The following FNDC3B variants were observed in gnomAD, a reference collection of about 807,000 sequenced individuals.
FNDC3B encodes the protein fibronectin type III domain containing 3B, also known as fibronectin type III domain-containing protein 3B.
A neutral mutation model predicts 151.5 loss-of-function variants in FNDC3B; 12 were observed. The ratio of observed to expected loss-of-function variants is 0.08; its 90% CI spans 0.05 to 0.13. The LOEUF is 0.13. Among genes scored for constraint, FNDC3B ranks in the 10% least tolerant of loss-of-function variants. FNDC3B has a pLI of 1.00. For missense variants in FNDC3B, 1,214 were observed against 1,505.3 expected (o/e 0.81, Z 3.20); for synonymous variants, 528 against 549.0 (o/e 0.96, Z 0.54).
rs573842390 is a variant in FNDC3B at position 172,056,810 on chromosome 3, A to T, written c.-29+17039A>T. The stretch of plus-strand genomic sequence containing the variant: ...TACTTTAAAAGCGTATGTGAATATT[A>T]GCCATCAGTTTTGTCTTGACCTTGC... On this transcript the variant is annotated intron_variant, in intron 1 of 25. Transcript: ENST00000415807. Among the ~76,000 whole-genome samples, 20 of 152,358 alleles carry T rather than the reference A, an allele frequency of 1.3e-4. 1 individual carries two copies. Among genetic ancestry groups the T allele is most frequent in the African/African-American group, 4.6e-4 (19 of 41,590 alleles).
At chr3:172,306,858 A>G (rs1379085926) in intron 9 of FNDC3B, 1 of 152,680 alleles carries the variant, frequency 6.5e-6, no homozygotes, top group African/African-American at 2.4e-5. Context: ...TCTGTGAAAC[A>G]TCCCTAGTTT....
At chr3:172,269,419 T>C (rs1366900425) in intron 6 of FNDC3B, among the ~76,000 whole-genome samples, 7 of 143,870 alleles carry the variant, frequency 4.9e-5, no homozygotes, top group African/African-American at 8.2e-5. Context: ...CCACCATGGC[T>C]GGCTAATTAA....
chr3:172,298,787 G>A lies in FNDC3B; in HGVS notation c.1061G>A (p.Arg354Lys). Residue 354 changes from arginine (R) to lysine (K), a missense_variant and splice_region_variant, in exon 9 of 26, where the codon AGG (arginine) becomes AAG (lysine). Physicochemically the swap from Arg to Lys is conservative, Grantham distance 26. This residue lies in a region of FNDC3B where 156 missense variants were observed against 225.3 expected (regional missense o/e 0.69). Transcript: ENST00000415807. Reference protein sequence around the residue: ...DLRPATDYHVRVYAMYNSVKG... With the variant: ...DLRPATDYHVKVYAMYNSVKG... ...AGACCAGCAACAGATTATCATGTGA[G>A]GTGAGTTAGGATATAAGAGCCAAAC... is the stretch of plus-strand genomic sequence containing the variant. 6.2e-7 allele frequency: 1 copy of A among 1,604,438 alleles called. No homozygotes were observed. The highest frequency in any genetic ancestry group is 8.5e-7 in the Non-Finnish European group (1 of 1,175,250).
At chr3:172,050,501 A>C (rs569897988) in intron 1 of FNDC3B, among the ~76,000 whole-genome samples, 1 of 151,800 alleles carries the variant, frequency 6.6e-6, no homozygotes, top group Non-Finnish European at 1.5e-5. Flanking sequence ...CTCCTGCCTC[A>C]GCCTCCGGAG....
chr3:172,339,503 C>T (rs1243629287), intron 16 of FNDC3B, among the ~76,000 whole-genome samples: 1 of 152,042 alleles, frequency 6.6e-6, no homozygotes, highest in Non-Finnish European at 1.5e-5. Context: ...TCGGAGGTCG[C>T]AGTGAGCCGA....
At chr3:172,342,875 C>T in intron 17 of FNDC3B, 136 bp from the exon 18 acceptor site, 3 of 563,882 alleles carry the variant, frequency 5.3e-6, no homozygotes, top group South Asian at 2.3e-5. Context: ...AAAAGCATAC[C>T]ATAATGTGCA....
intron 23 of FNDC3B, among the ~76,000 whole-genome samples, chr3:172,374,633 T>C (rs1220876203): frequency 6.6e-6 from 1 of 152,108 alleles, no homozygotes; most frequent in East Asian, 1.9e-4. Flanking sequence ...GACCTTGTGA[T>C]CCGCCCGCCT....
At chr3:172,198,704 C>T (rs768692040) in intron 3 of FNDC3B, among the ~76,000 whole-genome samples, 2 of 152,208 alleles carry the variant, frequency 1.3e-5, no homozygotes, top group Non-Finnish European at 2.9e-5. Context: ...CCATGTTGCG[C>T]TGTTCCCACA....
chr3:172,226,788 G>A (rs1576816177), intron 3 of FNDC3B, 83 bp from the exon 4 acceptor site: 1 of 904,842 alleles, frequency 1.1e-6, no homozygotes, highest in African/African-American at 1.6e-5. Context: ...ATTATCTTCA[G>A]TTTGGATAGT....
chr3:172,056,560 T>C (rs946392509), intron 1 of FNDC3B, among the ~76,000 whole-genome samples: 1 of 152,240 alleles, frequency 6.6e-6, no homozygotes, highest in African/African-American at 2.4e-5. Context: ...CATCTCTAAC[T>C]GGTTTAATTG....
intron 1 of FNDC3B, among the ~76,000 whole-genome samples, chr3:172,045,943 T>C (rs576610595): frequency 6.6e-6 from 1 of 152,234 alleles, no homozygotes; most frequent in East Asian, 1.9e-4. Context: ...TTGATGGTAG[T>C]TGAGCACTTT....
chr3:172,069,760 C>T (rs767417084), intron 1 of FNDC3B, among the ~76,000 whole-genome samples: 24 of 152,176 alleles, frequency 1.6e-4, no homozygotes, highest in Non-Finnish European at 1.9e-4. Flanking sequence ...TTTAATTGGC[C>T]TTTTCCCCTT....
chr3:172,371,993 G>C (rs1734904261), intron 23 of FNDC3B, among the ~76,000 whole-genome samples: 1 of 152,322 alleles, frequency 6.6e-6, no homozygotes, highest in Admixed American at 6.5e-5. Context: ...GCATTGTCTA[G>C]TGTTTTCCTT....
Position 172,347,299 on chromosome 3 carries a change from A to G in FNDC3B, c.2452A>G (p.Thr818Ala), listed in dbSNP as rs1336358039. The G allele has an allele frequency of 8.7e-6, 14 of 1,613,920 alleles. No homozygotes were observed. Among genetic ancestry groups the G allele is most frequent in the Non-Finnish European group, 1.2e-5 (14 of 1,179,962 alleles). Residue 818 changes from threonine to alanine, a missense_variant, in exon 21 of 26, where the codon ACA becomes GCA. Physicochemically the swap from Thr to Ala is moderately conservative, Grantham distance 58. Around this residue, in one of 7 missense-constraint regions of FNDC3B, gnomAD observed 380 missense variants for 420.9 expected, o/e 0.90. Transcript: ENST00000415807. ...EESLELIYHGTDTRFEIRDLL... is the reference protein window; with the variant it reads ...EESLELIYHGADTRFEIRDLL... ...ATCCTTAGAACTCATTTATCATGGG[A>G]CAGACACCCGTTTTGAAATAAGAGA...
chr3:172,330,750 T>C, intron 13 of FNDC3B, 35 bp downstream of exon 13: 1 of 1,546,686 alleles, frequency 6.5e-7, no homozygotes, highest in Non-Finnish European at 8.9e-7. Context: ...CTCTGTGTTT[T>C]GTACGAGTCA....
At position 172,341,202 on chromosome 3, in the gene FNDC3B, T is replaced by A; in HGVS notation, c.1942T>A (p.Cys648Ser). The A allele has an allele frequency of 6.2e-7, 1 of 1,614,192 alleles. No homozygotes were observed. The highest frequency in any genetic ancestry group is 8.5e-7 in the Non-Finnish European group (1 of 1,180,010). ...AGGCACTTTGTACAAACTCCGAGCA[T>A]GCTGCATCAGTACCGGCGGACACAG... The part of the protein sequence containing the change: ...KPGTLYKLRA[C>S]CISTGGHSQC... The change falls in exon 17 of 26, where the codon TGC (cysteine) becomes AGC (serine). Residue 648 changes from cysteine (C) to serine (S), a missense_variant. By Grantham distance (112) the Cys-to-Ser change is moderately radical. Around this residue, in one of 7 missense-constraint regions of FNDC3B, gnomAD observed 380 missense variants for 420.9 expected, o/e 0.90. Transcript: ENST00000415807.
chr3:172,152,700 G>GA (rs1371263317), intron 3 of FNDC3B, among the ~76,000 whole-genome samples: 3 of 149,520 alleles, frequency 2.0e-5, no homozygotes, highest in Non-Finnish European at 4.4e-5. Flanking sequence ...CAAAGTTTCT[G>GA]AAAAAAATCA....
chr3:172,302,875 A>AGTGTGTGTGTGTGCAT (rs1730993105), intron 9 of FNDC3B: 1 of 148,442 alleles, frequency 6.7e-6, no homozygotes, highest in Non-Finnish European at 1.5e-5. Context: ...AGAGAGAGAG[A>AGTGTGTGTGTGTGCAT]GTGTGTGTGT....
intron 13 of FNDC3B, among the ~76,000 whole-genome samples, 178 bp from the exon 14 acceptor site, chr3:172,332,911 G>T (rs932088256): frequency 6.6e-6 from 1 of 152,222 alleles, no homozygotes; most frequent in Non-Finnish European, 1.5e-5. Flanking sequence ...TTTATTTAAA[G>T]CTCAAGTGCT....
Sources: allele counts gnomAD v4.1 joint callset (sites outside exome capture counted in the v4.1 genomes callset), GRCh38; gene constraint gnomAD v4.1.1; regional missense constraint gnomAD v4.1.1; transcripts MANE v1.5; gene names NCBI Gene and HGNC (gene_info 2026-07-23, HGNC 2026-07-21).